The following SUPT20H variants were observed in gnomAD, a reference collection of about 807,000 sequenced individuals.
The protein encoded by SUPT20H is transcription factor SPT20 homolog.
SUPT20H carries 82 observed loss-of-function variants against 122.8 expected under a neutral mutation model. That is an observed-to-expected ratio of 0.67 (90% CI 0.56 to 0.80). The LOEUF (loss-of-function observed/expected upper bound fraction) is 0.80, where lower values mean the gene tolerates loss of function less well. Ranked by LOEUF, SUPT20H falls within the 30% of genes least tolerant of loss-of-function variation. The pLI is 0.00. For missense variants in SUPT20H, 831 were observed against 921.6 expected, an observed-to-expected ratio of 0.90 and a Z score of 1.27; for synonymous variants, 291 against 313.0, an observed-to-expected ratio of 0.93 and a Z score of 0.74.
chr13:37,044,122 C>T lies in SUPT20H; in HGVS notation c.352G>A (p.Glu118Lys). 6.2e-7 allele frequency: 1 copy of T among 1,612,974 alleles called. No homozygotes were observed. Among genetic ancestry groups the T allele is most frequent in the African/African-American group, 1.3e-5 (1 of 74,920 alleles). ...TCAACCAAAATAGGAGGTAATTCTT[C>T]TGCATCCAAATATTCAAGCAACTCT... ...EGELLEYLDA[E>K]ELPPILVDLL... Residue 118 changes from glutamate (E) to lysine (K), a missense_variant, in exon 7 of 26, where the codon GAA (glutamate) becomes AAA (lysine). Glu to Lys is a moderately conservative substitution (Grantham distance 56, BLOSUM62 1). Transcript: ENST00000350612.
intron 23 of SUPT20H, among the ~76,000 whole-genome samples, chr13:37,016,344 C>T (rs955972177): frequency 4.0e-5 from 6 of 151,650 alleles, no homozygotes; most frequent in South Asian, 2.1e-4. Flanking sequence ...GCAGGAGAAT[C>T]GCTTCAACCC....
At chr13:37,015,236 A>T (rs1255511624) in intron 23 of SUPT20H, among the ~76,000 whole-genome samples, 1 of 151,950 alleles carries the variant, frequency 6.6e-6, no homozygotes, top group African/African-American at 2.4e-5. Context: ...AATGGGAGAA[A>T]ATATCTGGAA....
intron 16 of SUPT20H, 63 bp downstream of exon 16, chr13:37,026,141 C>T (rs895858397): frequency 5.7e-6 from 8 of 1,393,024 alleles, no homozygotes; most frequent in African/African-American, 3.0e-5. Flanking sequence ...ATTCTCTATC[C>T]TATAAGGGTG....
At chr13:37,044,863 G>C (rs2066128890) in intron 6 of SUPT20H, among the ~76,000 whole-genome samples, 1 of 151,990 alleles carries the variant, frequency 6.6e-6, no homozygotes, top group Non-Finnish European at 1.5e-5. Flanking sequence ...TTTAAACACG[G>C]TATGCTATCT....
chr13:37,047,981 A>C, intron 3 of SUPT20H, 45 bp from the exon 4 acceptor site: 2 of 1,464,122 alleles, frequency 1.4e-6, no homozygotes, highest in South Asian at 2.4e-5. Context: ...TTTGCTTTTG[A>C]CTATGAACAA....
chr13:37,012,610 T>C (rs991783518), intron 23 of SUPT20H: 1 of 177,326 alleles, frequency 5.6e-6, no homozygotes, highest in Non-Finnish European at 1.2e-5. Context: ...AACATAAACA[T>C]AGTGCTGGAA....
At chr13:37,033,332 C>T (rs1181091711) in intron 10 of SUPT20H, 117 bp downstream of exon 10, 1 of 1,305,082 alleles carries the variant, frequency 7.7e-7, no homozygotes, top group South Asian at 1.5e-5. Context: ...GAGACCTCAT[C>T]TCTACCCTTC....
chr13:37,009,893 C>T (rs1237706791), intron 25 of SUPT20H, 84 bp from the exon 26 acceptor site: 3 of 1,520,218 alleles, frequency 2.0e-6, no homozygotes, highest in East Asian at 2.3e-5. Context: ...CGAAACAACA[C>T]AACTGAAAAA....
Position 37,045,301 on chromosome 13 carries a change from GA to G in SUPT20H, c.237del (p.Leu80TyrfsTer10). Reference sequence around the variant, plus strand: ...GAATATCCCTCATTTCCTGGGTATAGATTGACCACTAAACATGACAAAGTCT... The same window carrying G: ...GAATATCCCTCATTTCCTGGGTATAGTTGACCACTAAACATGACAAAGTCT... ...MQETLSCLVV[N>X]LYPGNEGYSL... On this transcript the variant is annotated frameshift_variant, in exon 6 of 26. Coordinates refer to ENST00000350612, the MANE Select transcript of SUPT20H (RefSeq NM_001014286.3). LOFTEE classifies it high-confidence loss of function. 1 of 1,613,748 alleles carries G rather than the reference GA, an allele frequency of 6.2e-7. No homozygotes were observed. The highest frequency in any genetic ancestry group is 8.5e-7 in the Non-Finnish European group (1 of 1,179,794).
intron 24 of SUPT20H, among the ~76,000 whole-genome samples, chr13:37,011,469 T>TA (rs2059614091): frequency 6.6e-6 from 1 of 152,198 alleles, no homozygotes; most frequent in African/African-American, 2.4e-5. Context: ...AAAGGCATCA[T>TA]AGTAAGCCCA....
At chr13:37,031,251 T>G (rs182617584) in intron 12 of SUPT20H, among the ~76,000 whole-genome samples, 1 of 152,120 alleles carries the variant, frequency 6.6e-6, no homozygotes, top group Non-Finnish European at 1.5e-5. Flanking sequence ...AAAAGAGAGA[T>G]TTCACGTGAT....
At chr13:37,036,015 C>T (rs1336915978) in intron 9 of SUPT20H, among the ~76,000 whole-genome samples, 1 of 152,154 alleles carries the variant, frequency 6.6e-6, no homozygotes, top group Non-Finnish European at 1.5e-5. Flanking sequence ...ATAGAGAACT[C>T]TTTCATGAAA....
intron 12 of SUPT20H, among the ~76,000 whole-genome samples, chr13:37,030,221 G>T (rs1024486584): frequency 6.6e-6 from 1 of 152,152 alleles, no homozygotes; most frequent in Admixed American, 6.5e-5. Context: ...TGAAATAAAA[G>T]CGGTCATGTA....
chr13:37,012,093 G>T, intron 24 of SUPT20H, 99 bp downstream of exon 24: 1 of 899,566 alleles, frequency 1.1e-6, no homozygotes, highest in Admixed American at 2.1e-5. Flanking sequence ...CTGTTTACTG[G>T]TTGCAAGGGA....
At chr13:37,044,015 G>A (rs567734624) in intron 7 of SUPT20H, 63 bp downstream of exon 7, 2 of 991,572 alleles carry the variant, frequency 2.0e-6, no homozygotes, top group East Asian at 5.3e-5. Flanking sequence ...ATAAAAATGT[G>A]ACATATATAT....
chr13:37,049,383 GTCT>G (rs938887238), intron 2 of SUPT20H, among the ~76,000 whole-genome samples: 4 of 152,224 alleles, frequency 2.6e-5, no homozygotes, highest in Non-Finnish European at 5.9e-5. Flanking sequence ...GCTATGCTAT[GTCT>G]TCATTTGTAA....
intron 12 of SUPT20H, among the ~76,000 whole-genome samples, chr13:37,030,494 G>C (rs1264912856): frequency 6.6e-6 from 1 of 152,128 alleles, no homozygotes; most frequent in Non-Finnish European, 1.5e-5. Flanking sequence ...AGTAGGGCTT[G>C]AAATCTCTAT....
intron 25 of SUPT20H, 145 bp downstream of exon 25, chr13:37,010,407 G>T: frequency 1.5e-6 from 1 of 687,806 alleles, no homozygotes; most frequent in Non-Finnish European, 2.4e-6. Flanking sequence ...TGGCTAAAAT[G>T]TCAGACTTTA....
chr13:37,053,606 G>T (rs941455545), intron 1 of SUPT20H, among the ~76,000 whole-genome samples: 1 of 151,462 alleles, frequency 6.6e-6, no homozygotes, highest in African/African-American at 2.4e-5. Flanking sequence ...CGGGTTGATA[G>T]GTACAGCAAA....
Sources: allele counts gnomAD v4.1 joint callset (sites outside exome capture counted in the v4.1 genomes callset), GRCh38; gene constraint gnomAD v4.1.1; transcripts MANE v1.5; gene names NCBI Gene and HGNC (gene_info 2026-07-23, HGNC 2026-07-21).